RHBDD1: variants seen among roughly 807,000 people sequenced by gnomAD.
The protein encoded by RHBDD1 is rhomboid domain containing 1.
RHBDD1 carries 38 observed loss-of-function variants against 36.3 expected under a neutral mutation model. That is an observed-to-expected ratio of 1.05 (90% CI 0.81 to 1.37). The LOEUF (loss-of-function observed/expected upper bound fraction) is 1.37, where lower values mean the gene tolerates loss of function less well. RHBDD1 is among the 40% of genes most tolerant of loss of function. The pLI is 0.00. For synonymous variants in RHBDD1, 151 were observed against 136.5 expected (o/e 1.11, Z -0.74); for missense variants, 393 against 377.6 (o/e 1.04, Z -0.34).
chr2:226,989,256 A>G (rs761927198), intron 8 of RHBDD1, among the ~76,000 whole-genome samples: 2 of 152,258 alleles, frequency 1.3e-5, no homozygotes, highest in Non-Finnish European at 2.9e-5. Flanking sequence ...ATGTGGATAA[A>G]TCTCACAAGC....
intron 8 of RHBDD1, among the ~76,000 whole-genome samples, chr2:226,980,432 G>A (rs150860032): frequency 2.0e-5 from 3 of 152,280 alleles, no homozygotes; most frequent in Non-Finnish European, 2.9e-5. Context: ...GAGATTTGGG[G>A]TGTGGTTCTG....
intron 8 of RHBDD1, among the ~76,000 whole-genome samples, chr2:226,918,363 C>CA (rs957237245): frequency 6.6e-6 from 1 of 150,660 alleles, no homozygotes; most frequent in South Asian, 2.1e-4. Context: ...TTTAAATGTA[C>CA]AAAAAAAAAT....
chr2:226,968,284 C>T (rs949397131), intron 8 of RHBDD1, among the ~76,000 whole-genome samples: 1 of 152,246 alleles, frequency 6.6e-6, no homozygotes, highest in Non-Finnish European at 1.5e-5. Context: ...GCTATTATTG[C>T]AAGGAAGTGC....
At chr2:226,919,738 A>G (rs910228805) in intron 8 of RHBDD1, among the ~76,000 whole-genome samples, 7 of 151,976 alleles carry the variant, frequency 4.6e-5, no homozygotes, top group Non-Finnish European at 1.0e-4. Flanking sequence ...TTGTAGTATA[A>G]TTCAAAGTGG....
intron 8 of RHBDD1, among the ~76,000 whole-genome samples, chr2:226,992,559 T>G (rs908819521): frequency 1.3e-5 from 2 of 152,202 alleles, no homozygotes; most frequent in Non-Finnish European, 2.9e-5. Context: ...AGCCGAACCA[T>G]GCTAGTAGCC....
chr2:226,956,762 C>A (rs997471245), intron 8 of RHBDD1, among the ~76,000 whole-genome samples: 1 of 152,160 alleles, frequency 6.6e-6, no homozygotes, highest in African/African-American at 2.4e-5. Context: ...AGGACACTAG[C>A]CAGAGGCAGT....
chr2:226,869,900 C>T (rs935807930), intron 5 of RHBDD1, among the ~76,000 whole-genome samples: 3 of 152,172 alleles, frequency 2.0e-5, no homozygotes, highest in Non-Finnish European at 2.9e-5. Context: ...TGCCTCCTTC[C>T]TAGACCAGGC....
chr2:226,960,769 C>T (rs1559315002), intron 8 of RHBDD1, among the ~76,000 whole-genome samples: 1 of 152,178 alleles, frequency 6.6e-6, no homozygotes. Context: ...CCTTAGCAGT[C>T]ACTCTCTTCA....
chr2:226,971,140 A>G (rs1387622212), intron 8 of RHBDD1, among the ~76,000 whole-genome samples: 3 of 152,144 alleles, frequency 2.0e-5, no homozygotes, highest in African/African-American at 7.2e-5. Flanking sequence ...ATGGGCCTTT[A>G]AAAAACTCAC....
At chr2:226,978,173 G>A (rs1954929657) in intron 8 of RHBDD1, among the ~76,000 whole-genome samples, 1 of 152,130 alleles carries the variant, frequency 6.6e-6, no homozygotes, top group African/African-American at 2.4e-5. Flanking sequence ...AACAATTCTA[G>A]AACGCTGTTA....
intron 7 of RHBDD1, among the ~76,000 whole-genome samples, chr2:226,912,997 C>T (rs974317585): frequency 6.6e-6 from 1 of 152,178 alleles, no homozygotes; most frequent in Admixed American, 6.5e-5. Flanking sequence ...TGCTGATTTA[C>T]AGTTTCCCTT....
the RHBDD1 span, among the ~76,000 whole-genome samples, chr2:226,803,308 A>ATGTGTGTG: frequency 2.1e-4 from 32 of 149,368 alleles, no homozygotes; most frequent in African/African-American, 6.6e-4. Context: ...GATGACTAAA[A>ATGTGTGTG]TGTGTGTGTG....
At chr2:226,802,667 A>G in the RHBDD1 span, among the ~76,000 whole-genome samples, 1 of 152,266 alleles carries the variant, frequency 6.6e-6, no homozygotes, top group Non-Finnish European at 1.5e-5. Flanking sequence ...CAGAAGAACA[A>G]GCTATTACCA....
the RHBDD1 span, among the ~76,000 whole-genome samples, chr2:226,820,641 C>CCA: frequency 8.8e-6 from 1 of 113,914 alleles, no homozygotes; most frequent in Non-Finnish European, 1.7e-5. Context: ...GACTCCATCT[C>CCA]CACAAAAAAA....
At chr2:226,946,055 G>T (rs1027760369) in intron 8 of RHBDD1, among the ~76,000 whole-genome samples, 7 of 152,200 alleles carry the variant, frequency 4.6e-5, no homozygotes, top group Non-Finnish European at 8.8e-5. Flanking sequence ...TTAGCCCTTT[G>T]TCAGATGGAT....
intron 8 of RHBDD1, among the ~76,000 whole-genome samples, chr2:226,967,400 A>G (rs887813593): frequency 6.6e-6 from 1 of 152,046 alleles, no homozygotes; most frequent in Non-Finnish European, 1.5e-5. Context: ...TATTATTATT[A>G]TACTTTAAAT....
the RHBDD1 span, among the ~76,000 whole-genome samples, chr2:226,807,271 C>T: frequency 3.9e-5 from 6 of 151,956 alleles, no homozygotes; most frequent in Non-Finnish European, 7.4e-5. Flanking sequence ...AAAATATATT[C>T]TTGTAAATTT....
At chr2:226,991,914 A>G (rs897591893) in intron 8 of RHBDD1, among the ~76,000 whole-genome samples, 5 of 152,182 alleles carry the variant, frequency 3.3e-5, no homozygotes, top group Non-Finnish European at 5.9e-5. Context: ...CACGAGTCCC[A>G]GGCAGAGCTG....
At chr2:226,994,366 G>A (rs1361789175) in intron 8 of RHBDD1, among the ~76,000 whole-genome samples, 1 of 152,046 alleles carries the variant, frequency 6.6e-6, no homozygotes, top group Non-Finnish European at 1.5e-5. Flanking sequence ...GCAGGATGTG[G>A]TGATGATTGA....
Sources: gnomAD v4.1 joint callset for allele counts (sites outside exome capture counted in the v4.1 genomes callset) on GRCh38, gnomAD v4.1.1 for gene constraint, MANE v1.5 for transcripts, NCBI Gene and HGNC (gene_info 2026-07-23, HGNC 2026-07-21) for gene names.